The following HS6ST1 variants were observed in gnomAD, a reference collection of about 807,000 sequenced individuals.
HS6ST1 encodes heparan sulfate 6-O-sulfotransferase 1.
Under a neutral mutation model 25.2 loss-of-function variants are expected in HS6ST1, and 3 were observed. The ratio of observed to expected loss-of-function variants is 0.12; its 90% CI spans 0.05 to 0.31. The LOEUF is 0.31. HS6ST1 is among the 10% of genes least tolerant of loss of function. The pLI is 1.00. For missense variants in HS6ST1, 310 were observed against 609.6 expected (o/e 0.51, Z 5.18); for synonymous variants, 204 against 275.1 (o/e 0.74, Z 2.56).
chr2:128,307,160 C>T (rs1694225979), intron 1 of HS6ST1, among the ~76,000 whole-genome samples: 1 of 152,134 alleles, frequency 6.6e-6, no homozygotes, highest in South Asian at 2.1e-4. Context: ...GTGAGGGGCC[C>T]TGGCACGTGA....
intron 1 of HS6ST1, among the ~76,000 whole-genome samples, chr2:128,273,255 C>T (rs991182764): frequency 3.3e-5 from 5 of 152,356 alleles, no homozygotes; most frequent in Admixed American, 2.0e-4. Flanking sequence ...GCTGTCCCCA[C>T]GGCTCCCTGT....
intron 1 of HS6ST1, among the ~76,000 whole-genome samples, chr2:128,270,729 G>A (rs561699931): frequency 6.6e-6 from 1 of 152,314 alleles, no homozygotes; most frequent in East Asian, 1.9e-4. Flanking sequence ...CTGTGGGGCC[G>A]TGACCAAATG....
chr2:128,272,237 C>T (rs577234495), intron 1 of HS6ST1, among the ~76,000 whole-genome samples: 57 of 152,372 alleles, frequency 3.7e-4, no homozygotes, highest in Middle Eastern at 3.4e-3. Context: ...AGCACCGTCA[C>T]GGTCTGCAGG....
Position 128,276,916 on chromosome 2 carries a change from G to A in HS6ST1, c.528-8046C>T, listed in dbSNP as rs542560467. ...GGTGAGCAAGACAGGCTCCACAAAA[G>A]GGGTGGAGGGCCCCTGTGGGTATCA... On this transcript the variant is annotated intron_variant, in intron 1 of 1. Transcript: ENST00000259241. Among the ~76,000 whole-genome samples the A allele has an allele frequency of 3.3e-5, 5 of 152,318 alleles. No homozygotes were observed. The East Asian group carries it at 9.7e-4, about 29-fold the overall frequency.
chr2:128,315,638 T>C (rs919798957), intron 1 of HS6ST1, among the ~76,000 whole-genome samples: 1 of 152,208 alleles, frequency 6.6e-6, no homozygotes, highest in Admixed American at 6.5e-5. Flanking sequence ...CTGCCCCTGA[T>C]AGAGAGTTGC....
chr2:128,317,190 C>A (rs1558883890), intron 1 of HS6ST1, among the ~76,000 whole-genome samples: 1 of 152,224 alleles, frequency 6.6e-6, no homozygotes, highest in Admixed American at 6.5e-5. Context: ...CAAACGGCTT[C>A]CCAGAAGAGC....
rs149870095 is a variant in HS6ST1 at position 128,266,834 on chromosome 2, G to A, written c.*1328C>T. 14,342 of 152,238 alleles carry A rather than the reference G, an allele frequency of 0.094. 1,611 individuals carry two copies. Among genetic ancestry groups the A allele is most frequent in the African/African-American group, 0.28 (11,430 of 41,370 alleles). The allele number at this position is 152,238 out of a possible 1,614,324, so 9.4% of individuals were successfully genotyped here. A position where few individuals can be genotyped will look rare whatever the true frequency, so the allele number is the denominator to read the frequency against. On this transcript the variant is annotated 3_prime_UTR_variant, in exon 2 of 2. Transcript: ENST00000259241. ...GGAATGGGGACAGGGCACAGGGCAC[G>A]TGCTTACAACGGATATGCAACATGG...
intron 1 of HS6ST1, among the ~76,000 whole-genome samples, chr2:128,270,814 A>T (rs570169874): frequency 6.6e-6 from 1 of 152,204 alleles, no homozygotes; most frequent in Non-Finnish European, 1.5e-5. Context: ...CCAACAGAGA[A>T]GCTTGCCCTC....
intron 1 of HS6ST1, among the ~76,000 whole-genome samples, chr2:128,296,461 G>A (rs1299945606): frequency 6.6e-6 from 1 of 152,192 alleles, no homozygotes; most frequent in African/African-American, 2.4e-5. Context: ...TGTAGATAAT[G>A]CTAAAGAATC....
Position 128,312,989 on chromosome 2 carries a change from G to C in HS6ST1, c.527+5048C>G, listed in dbSNP as rs556655151. Among the ~76,000 whole-genome samples, 11 of 152,208 alleles carry C rather than the reference G, an allele frequency of 7.2e-5. No homozygotes were observed. In the South Asian group the frequency reaches 2.3e-3, roughly 32 times the overall value. ...GAGGTCGGACAATCGCTTGAAACTG[G>C]TAGGCAGAGGTTGCAGTGAGCTGAG... On this transcript the variant is annotated intron_variant, in intron 1 of 1. Transcript: ENST00000259241.
rs1368133288 is a variant in HS6ST1, at chr2:128,265,658, G to T, written c.*2504C>A. ...AATAAATAAAGCTTTAAACAATCCT[G>T]GGTTCAAGTTAAACAGTTCCAGTTC... On this transcript the variant is annotated 3_prime_UTR_variant, in exon 2 of 2. Transcript: ENST00000259241. The T allele has an allele frequency of 6.6e-6, 1 of 151,986 alleles. No individual in the cohort carries two copies. Among genetic ancestry groups the T allele is most frequent in the African/African-American group, 2.4e-5 (1 of 41,346 alleles). 9.4% of individuals were successfully genotyped at this position (151,986 alleles called of 1,614,324 possible). A position where few individuals can be genotyped will look rare whatever the true frequency, so the allele number is the denominator to read the frequency against.
chr2:128,273,877 AGCTCTCTGACATGT>A (rs1164410038), intron 1 of HS6ST1, among the ~76,000 whole-genome samples: 4 of 152,316 alleles, frequency 2.6e-5, no homozygotes, highest in African/African-American at 9.6e-5. Flanking sequence ...AGATCTAGGC[AGCTCTCTGACATGT>A]GCTCTCTGGA....
intron 1 of HS6ST1, among the ~76,000 whole-genome samples, chr2:128,284,502 C>CTCTTTTTTTTTTT (rs145078931): frequency 0.37 from 38,514 of 103,808 alleles, 7,009 homozygotes; most frequent in East Asian, 0.66. Context: ...GACATCGTCC[C>CTCTTTTTTTTTTT]TCTTTTTTTT....
chr2:128,313,413 G>C (rs1302996800), intron 1 of HS6ST1, among the ~76,000 whole-genome samples: 1 of 152,192 alleles, frequency 6.6e-6, no homozygotes, highest in Non-Finnish European at 1.5e-5. Context: ...AATGACAACA[G>C]ACAACATTTA....
At chr2:128,315,396 G>C (rs1357717516) in intron 1 of HS6ST1, among the ~76,000 whole-genome samples, 2 of 152,216 alleles carry the variant, frequency 1.3e-5, no homozygotes, top group African/African-American at 4.8e-5. Flanking sequence ...GGCCCACTGA[G>C]ACCCTCCCAA....
intron 1 of HS6ST1, 117 bp downstream of exon 1, chr2:128,317,920 C>T (rs775586969): frequency 2.4e-6 from 3 of 1,240,832 alleles, no homozygotes; most frequent in Non-Finnish European, 2.1e-6. Flanking sequence ...CGAGTGGGGG[C>T]CCCCAAGAGG....
Position 128,268,938 on chromosome 2 carries a change from T to C in HS6ST1, c.528-68A>G, listed in dbSNP as rs73956956. The stretch of plus-strand genomic sequence containing the variant: ...ATGAGGGGGGCTACCAGGGCTGCTC[T>C]GAGTCAAAGTCCCCACTACAGGAGT... On this transcript the variant is annotated intron_variant, in intron 1 of 1. Transcript: ENST00000259241. The C allele has an allele frequency of 8.0e-4, 1,061 of 1,332,500 alleles. 11 individuals are homozygous for C. The African/African-American group carries it at 0.011, about 14-fold the overall frequency. 82.5% of individuals were successfully genotyped at this position (1,332,500 alleles called of 1,614,324 possible).
chr2:128,277,588 G>A (rs1317136706), intron 1 of HS6ST1, among the ~76,000 whole-genome samples: 2 of 152,224 alleles, frequency 1.3e-5, no homozygotes, highest in South Asian at 2.1e-4. Context: ...GTAGCGGGAG[G>A]GGTCAGCCCC....
At chr2:128,317,714 C>A (rs1197362942) in intron 1 of HS6ST1, among the ~76,000 whole-genome samples, 1 of 152,248 alleles carries the variant, frequency 6.6e-6, no homozygotes, top group Non-Finnish European at 1.5e-5. Flanking sequence ...GACCTCACGG[C>A]GCACAGCAGG....
Sources: allele counts gnomAD v4.1 joint callset (sites outside exome capture counted in the v4.1 genomes callset), GRCh38; gene constraint gnomAD v4.1.1; transcripts MANE v1.5; gene names NCBI Gene and HGNC (gene_info 2026-07-23, HGNC 2026-07-21).